Variants in CDKAL1 observed in about 807,000 individuals in gnomAD.
The protein encoded by CDKAL1 is threonylcarbamoyladenosine tRNA methylthiotransferase.
CDKAL1 carries 32 observed loss-of-function variants against 68.2 expected under a neutral mutation model. That is an observed-to-expected ratio of 0.47 (90% confidence interval 0.35 to 0.63). The LOEUF (loss-of-function observed/expected upper bound fraction) is 0.63. Ranked by LOEUF, CDKAL1 falls within the 30% of genes least tolerant of loss-of-function variation. The pLI, the probability that CDKAL1 is intolerant of heterozygous loss-of-function variation, is 0.00. For missense variants in CDKAL1, 606 were observed against 696.7 expected, an observed-to-expected ratio of 0.87 and a Z score of 1.47; for synonymous variants, 234 against 244.3, an observed-to-expected ratio of 0.96 and a Z score of 0.39.
chr6:20,717,786 C>G (rs111755186), intron 5 of CDKAL1, among the ~76,000 whole-genome samples: 1 of 152,070 alleles, frequency 6.6e-6, no homozygotes, highest in African/African-American at 2.4e-5. Context: ...AAGTCAGGAG[C>G]CCTCACCACC....
chr6:20,860,561 A>G (rs1759558744), intron 9 of CDKAL1, among the ~76,000 whole-genome samples: 2 of 152,174 alleles, frequency 1.3e-5, no homozygotes, highest in Admixed American at 1.3e-4. Flanking sequence ...ACGGTGGCTC[A>G]CGCCTGTAAT....
chr6:20,770,054 A>G (rs893407914), intron 7 of CDKAL1, among the ~76,000 whole-genome samples: 1 of 151,378 alleles, frequency 6.6e-6, no homozygotes, highest in Admixed American at 6.6e-5. Context: ...TTGTTCCTTC[A>G]TGTGTCTTGT....
At chr6:20,739,368 T>G (rs1773342645) in intron 5 of CDKAL1, 151 bp from the exon 6 acceptor site, 1 of 530,026 alleles carries the variant, frequency 1.9e-6, no homozygotes, top group South Asian at 2.7e-5. Flanking sequence ...ACAGAAGTTT[T>G]ATTATGTGTT....
At position 21,088,339 on chromosome 6, in the gene CDKAL1, A is replaced by G. The variant is rs114740147; in HGVS notation, c.1237-20062A>G. On this transcript the variant is annotated intron_variant, in intron 12 of 15. Transcript: ENST00000274695. ...GAGAAGACTTCATTTCCCCATAGAA[A>G]TAGTTCATAAATAGTACATATAATT... Among the ~76,000 whole-genome samples, 698 of 152,356 alleles carry G rather than the reference A, an allele frequency of 4.6e-3. 5 individuals carry two copies. Among genetic ancestry groups the G allele is most frequent in the African/African-American group, 0.016 (671 of 41,584 alleles).
At chr6:20,750,761 C>T (rs374335436) in intron 6 of CDKAL1, among the ~76,000 whole-genome samples, 202 of 151,994 alleles carry the variant, frequency 1.3e-3, no homozygotes, top group Middle Eastern at 0.01. Flanking sequence ...GTCAGGAGTT[C>T]GGGATCAGTC....
intron 11 of CDKAL1, among the ~76,000 whole-genome samples, chr6:21,060,284 A>G (rs1469380708): frequency 6.6e-6 from 1 of 152,150 alleles, no homozygotes; most frequent in East Asian, 1.9e-4. Flanking sequence ...CATAATTTAT[A>G]TCTTTCAAAG....
intron 8 of CDKAL1, among the ~76,000 whole-genome samples, chr6:20,844,815 C>T (rs186566291): frequency 2.6e-5 from 4 of 152,112 alleles, no homozygotes; most frequent in Non-Finnish European, 5.9e-5. Context: ...ATGGTTTTCC[C>T]TTTCCCCTTG....
intron 2 of CDKAL1, among the ~76,000 whole-genome samples, chr6:20,541,826 A>G (rs2127647755): frequency 6.6e-6 from 1 of 152,180 alleles, no homozygotes; most frequent in East Asian, 1.9e-4. Flanking sequence ...ACGCCCGGCT[A>G]ATTTTGTATT....
At chr6:20,888,164 C>T (rs1485015214) in intron 9 of CDKAL1, among the ~76,000 whole-genome samples, 1 of 151,794 alleles carries the variant, frequency 6.6e-6, no homozygotes, top group African/African-American at 2.4e-5. Context: ...TGTGATGTTC[C>T]CAGCCCTGTG....
At chr6:20,625,232 C>T (rs1400438277) in intron 4 of CDKAL1, among the ~76,000 whole-genome samples, 1 of 152,034 alleles carries the variant, frequency 6.6e-6, no homozygotes, top group African/African-American at 2.4e-5. Flanking sequence ...TATTCTATTC[C>T]ACTTCAGCAA....
chr6:20,535,288 C>T (rs534931917), intron 1 of CDKAL1, 63 bp from the exon 2 acceptor site: 7 of 152,276 alleles, frequency 4.6e-5, no homozygotes, highest in Middle Eastern at 3.2e-3. Flanking sequence ...AGTAAAGAAT[C>T]CTTACAGTGG....
chr6:20,963,308 C>CT (rs2150740721), intron 10 of CDKAL1, among the ~76,000 whole-genome samples: 1 of 146,914 alleles, frequency 6.8e-6, no homozygotes, highest in East Asian at 1.9e-4. Context: ...GGCCCTTCCA[C>CT]TAAAAAAAAA....
chr6:20,652,262 T>C (rs574230982), intron 5 of CDKAL1, among the ~76,000 whole-genome samples: 60 of 152,322 alleles, frequency 3.9e-4, no homozygotes, highest in African/African-American at 1.4e-3. Flanking sequence ...TAACTATGTG[T>C]TCTTCTCGGA....
At chr6:20,648,128 A>ATTT (rs547345216) in intron 4 of CDKAL1, among the ~76,000 whole-genome samples, 2 of 136,736 alleles carry the variant, frequency 1.5e-5, no homozygotes, top group Admixed American at 7.4e-5. Flanking sequence ...TACTGGGGGA[A>ATTT]TTTTTTTTTT....
intron 15 of CDKAL1, among the ~76,000 whole-genome samples, chr6:21,224,225 T>G (rs1779644591): frequency 6.6e-6 from 1 of 152,188 alleles, no homozygotes; most frequent in Admixed American, 6.5e-5. Flanking sequence ...GATAAGGATC[T>G]TGGAATGAGA....
chr6:20,910,032 T>C (rs1762398420), intron 9 of CDKAL1, among the ~76,000 whole-genome samples: 1 of 152,252 alleles, frequency 6.6e-6, no homozygotes, highest in Non-Finnish European at 1.5e-5. Context: ...AAAGCATTTG[T>C]TAATCCCAGC....
At chr6:21,043,983 A>T (rs1770081496) in intron 11 of CDKAL1, among the ~76,000 whole-genome samples, 1 of 152,224 alleles carries the variant, frequency 6.6e-6, no homozygotes, top group South Asian at 2.1e-4. Flanking sequence ...CTGTAATTGG[A>T]GCTACATACA....
At chr6:21,098,334 TA>T (rs1773415058) in intron 12 of CDKAL1, among the ~76,000 whole-genome samples, 1 of 152,024 alleles carries the variant, frequency 6.6e-6, no homozygotes, top group South Asian at 2.1e-4. Context: ...TTTAACTATA[TA>T]AGGTGAGCGT....
intron 9 of CDKAL1, among the ~76,000 whole-genome samples, chr6:20,937,925 A>G (rs1201013002): frequency 6.6e-6 from 1 of 151,096 alleles, no homozygotes; most frequent in Non-Finnish European, 1.5e-5. Flanking sequence ...AACTGTAAAT[A>G]TCTTCCTTCT....
Sources: gnomAD v4.1 joint callset for allele counts (sites outside exome capture counted in the v4.1 genomes callset) on GRCh38, gnomAD v4.1.1 for gene constraint, MANE v1.5 for transcripts, NCBI Gene and HGNC (gene_info 2026-07-23, HGNC 2026-07-21) for gene names.